The following TPO variants were observed in gnomAD, a reference collection of about 807,000 sequenced individuals.
TPO encodes the protein thyroid peroxidase.
Under a neutral mutation model 96.9 loss-of-function variants are expected in TPO, and 78 were observed. The observed-to-expected ratio is 0.81, with a 90% CI of 0.67 to 0.97. The LOEUF is 0.97. TPO is among the 50% of genes least tolerant of loss of function. The probability of loss-of-function intolerance (pLI) is 0.00; values close to 1 mark genes in which losing one functional copy is unlikely to be tolerated. For synonymous variants in TPO, 547 were observed against 538.0 expected (o/e 1.02, Z -0.23); for missense variants, 1,252 against 1,274.8 (o/e 0.98, Z 0.27).
intron 15 of TPO, among the ~76,000 whole-genome samples, chr2:1,528,928 C>A (rs887741743): frequency 7.2e-6 from 1 of 139,290 alleles, no homozygotes; most frequent in Non-Finnish European, 1.5e-5. Context: ...CTGTGTGCAA[C>A]CCCCACAAAT....
Position 1,414,415 on chromosome 2 carries a change from GCGCT to G in TPO, c.12_15del (p.Ala5CysfsTer81). ...TCCTTCCGTTAATTTTAGAATGAGA[GCGCT>G]CGCTGTGCTGTCTGTCACGCTGGTT... On this transcript the variant is annotated frameshift_variant, in exon 2 of 17. Transcript: ENST00000329066. LOFTEE classifies it high-confidence loss of function. 1 of 1,613,612 alleles carries G rather than the reference GCGCT, an allele frequency of 6.2e-7. No homozygotes were observed. Among genetic ancestry groups the G allele is most frequent in the Non-Finnish European group, 8.5e-7 (1 of 1,179,824 alleles).
intron 7 of TPO, among the ~76,000 whole-genome samples, chr2:1,460,151 G>T (rs908495824): frequency 6.6e-6 from 1 of 152,002 alleles, no homozygotes; most frequent in Non-Finnish European, 1.5e-5. Context: ...GGCCAGGCTG[G>T]TCTCAAACTC....
At chr2:1,378,155 C>T (rs1372571215) in intron 1 of TPO, among the ~76,000 whole-genome samples, 2 of 152,142 alleles carry the variant, frequency 1.3e-5, no homozygotes, top group South Asian at 2.1e-4. Flanking sequence ...ACTGTGAGTT[C>T]GTTAAACCTC....
chr2:1,450,767 A>G (rs1337617232), intron 5 of TPO, among the ~76,000 whole-genome samples: 1 of 152,236 alleles, frequency 6.6e-6, no homozygotes, highest in Non-Finnish European at 1.5e-5. Flanking sequence ...TCACTGCTTA[A>G]GCAGTTAAAT....
chr2:1,488,776 G>A (rs544996014), intron 10 of TPO, among the ~76,000 whole-genome samples: 6 of 152,236 alleles, frequency 3.9e-5, no homozygotes, highest in Admixed American at 2.6e-4. Flanking sequence ...GCCCTGCCCC[G>A]TCCCTGGGCC....
chr2:1,375,313 A>G (rs975201102), intron 1 of TPO, among the ~76,000 whole-genome samples: 2 of 152,132 alleles, frequency 1.3e-5, no homozygotes, highest in South Asian at 4.1e-4. Flanking sequence ...TTTGGTTTAC[A>G]GTATTGTAAG....
intron 13 of TPO, 99 bp from the exon 14 acceptor site, chr2:1,503,849 A>C: frequency 1.2e-6 from 2 of 1,603,956 alleles, no homozygotes; most frequent in Non-Finnish European, 1.7e-6. Context: ...CAAAGGGCTG[A>C]CCTCCCCAGA....
At chr2:1,493,205 TG>T (rs1671946946) in intron 10 of TPO, among the ~76,000 whole-genome samples, 1 of 4,552 alleles carries the variant, frequency 2.2e-4, no homozygotes, top group Non-Finnish European at 7.2e-4. Flanking sequence ...TGTGTGTGAG[TG>T]GGTGGGGGGG....
At chr2:1,475,310 CTT>C (rs1669788015) in intron 7 of TPO, among the ~76,000 whole-genome samples, 1 of 152,154 alleles carries the variant, frequency 6.6e-6, no homozygotes, top group South Asian at 2.1e-4. Flanking sequence ...CTTTCCTACT[CTT>C]TTGCTGAATT....
upstream of TPO, chr2:1,413,325 C>A (rs1453267913): frequency 6.6e-6 from 1 of 152,156 alleles, no homozygotes; most frequent in Non-Finnish European, 1.5e-5. Context: ...TCAGGACACA[C>A]AAGAGGCCCG....
At chr2:1,468,556 G>A (rs1669109585) in intron 7 of TPO, among the ~76,000 whole-genome samples, 1 of 152,148 alleles carries the variant, frequency 6.6e-6, no homozygotes, top group Admixed American at 6.5e-5. Context: ...AGCTTGTAGG[G>A]TTTCTGCTGA....
intron 7 of TPO, among the ~76,000 whole-genome samples, chr2:1,472,310 A>G (rs1671058514): frequency 1.3e-5 from 2 of 151,762 alleles, no homozygotes; most frequent in Non-Finnish European, 2.9e-5. Context: ...CCTTCCCTTG[A>G]TCCAAATGCT....
Position 1,490,118 on chromosome 2 carries a change from A to T in TPO, c.1768+2127A>T, listed in dbSNP as rs13027419. 5.9e-4 allele frequency among the ~76,000 whole-genome samples: 32 copies of T among 53,988 alleles called. 2 individuals are homozygous for T. The highest frequency in any genetic ancestry group is 3.1e-3 in the South Asian group (3 of 964). The allele number at this position is 53,988 out of a possible 152,430, so 35.4% of individuals were successfully genotyped here. A position where few individuals can be genotyped will look rare whatever the true frequency, so the allele number is the denominator to read the frequency against. On this transcript the variant is annotated intron_variant, in intron 10 of 16. Coordinates refer to ENST00000329066, the MANE Select transcript of TPO (RefSeq NM_001206744.2). ...ACACAGCAGTGTAAGAGCCGCCACG[A>T]GGGTCCCACACAGGGGGAGTCACGA...
At chr2:1,403,688 C>T (rs1446103576) in intron 1 of TPO, among the ~76,000 whole-genome samples, 2 of 152,216 alleles carry the variant, frequency 1.3e-5, no homozygotes, top group South Asian at 2.1e-4. Flanking sequence ...CTTAGAAGAA[C>T]GTGGTCCCGT....
At chr2:1,401,974 C>T (rs1454396585) in intron 1 of TPO, among the ~76,000 whole-genome samples, 1 of 152,240 alleles carries the variant, frequency 6.6e-6, no homozygotes, top group African/African-American at 2.4e-5. Context: ...AGACAAAAGC[C>T]AGCCAGACCC....
intron 3 of TPO, among the ~76,000 whole-genome samples, chr2:1,428,826 C>T (rs115290989): frequency 0.016 from 2,380 of 152,204 alleles, 76 homozygotes; most frequent in African/African-American, 0.054. Flanking sequence ...TCTACCATGG[C>T]GAGTCCTGGG....
At position 1,496,587 on chromosome 2, in the gene TPO, T is replaced by G. The variant is rs1558364733; in HGVS notation, c.2216-8T>G. 6.2e-7 allele frequency: 1 copy of G among 1,613,798 alleles called. No homozygotes were observed. ...TTGACTACATGTCAACCTGTCCACA[T>G]TTCATAGACGACAAGTGTGGCTTCC... On this transcript the variant is annotated splice_polypyrimidine_tract_variant and splice_region_variant and intron_variant, in intron 12 of 16. Coordinates refer to ENST00000329066, the MANE Select transcript of TPO (RefSeq NM_001206744.2).
At chr2:1,476,312 C>T (rs1213961252) in intron 7 of TPO, among the ~76,000 whole-genome samples, 6 of 152,316 alleles carry the variant, frequency 3.9e-5, no homozygotes, top group East Asian at 1.9e-4. Context: ...GACACCTCAC[C>T]AGGGAGGAAG....
At chr2:1,532,110 AT>A (rs1160388507) in intron 15 of TPO, among the ~76,000 whole-genome samples, 1 of 77,932 alleles carries the variant, frequency 1.3e-5, no homozygotes, top group Non-Finnish European at 2.4e-5. Flanking sequence ...ACCCCCACAA[AT>A]CCCCCCACTG....
Sources: gnomAD v4.1 joint callset for allele counts (sites outside exome capture counted in the v4.1 genomes callset) on GRCh38, gnomAD v4.1.1 for gene constraint, MANE v1.5 for transcripts, NCBI Gene and HGNC (gene_info 2026-07-23, HGNC 2026-07-21) for gene names.